The following TENM2 variants were observed in gnomAD, a reference collection of about 807,000 sequenced individuals.
The protein encoded by TENM2 is teneurin transmembrane protein 2, also known as teneurin-2.
Under a neutral mutation model 245.2 loss-of-function variants are expected in TENM2, and 52 were observed. The observed-to-expected ratio is 0.21, with a 90% CI of 0.17 to 0.27. TENM2 has a LOEUF of 0.27. Ranked by LOEUF, TENM2 falls within the 10% of genes least tolerant of loss-of-function variation. The probability of loss-of-function intolerance (pLI) is 1.00; values close to 1 mark genes in which losing one functional copy is unlikely to be tolerated. For synonymous variants in TENM2, 1,363 were observed against 1,438.9 expected (o/e 0.95, Z 1.19); for missense variants, 3,046 against 3,666.8 (o/e 0.83, Z 4.37).
intron 2 of TENM2, among the ~76,000 whole-genome samples, chr5:167,585,772 T>A (rs1175780801): frequency 2.6e-5 from 4 of 152,128 alleles, no homozygotes; most frequent in African/African-American, 9.7e-5. Context: ...CCTTTGTATC[T>A]TTGAGTTCTA....
intron 4 of TENM2, among the ~76,000 whole-genome samples, chr5:167,976,700 C>T (rs2151952547): frequency 6.6e-6 from 1 of 152,256 alleles, no homozygotes; most frequent in South Asian, 2.1e-4. Context: ...TATACCCAAA[C>T]TCAATTATCA....
intron 5 of TENM2, among the ~76,000 whole-genome samples, chr5:168,031,056 AG>A (rs1440183845): frequency 6.6e-6 from 1 of 152,208 alleles, no homozygotes; most frequent in African/African-American, 2.4e-5. Flanking sequence ...ACCACTGCTT[AG>A]TGTCACCACT....
At chr5:167,864,782 C>T (rs1446133166) in intron 2 of TENM2, among the ~76,000 whole-genome samples, 1 of 152,150 alleles carries the variant, frequency 6.6e-6, no homozygotes, top group African/African-American at 2.4e-5. Context: ...ACAACCTACT[C>T]CCAAAGGGTT....
chr5:167,724,523 G>C (rs1759855653), intron 2 of TENM2, among the ~76,000 whole-genome samples: 1 of 152,160 alleles, frequency 6.6e-6, no homozygotes, highest in Non-Finnish European at 1.5e-5. Context: ...CTATTGGGTG[G>C]AGGGAAGGAG....
chr5:167,340,530 T>C (rs1054388545), intron 1 of TENM2, among the ~76,000 whole-genome samples: 1 of 152,202 alleles, frequency 6.6e-6, no homozygotes, highest in African/African-American at 2.4e-5. Flanking sequence ...TCCCTTCCTC[T>C]TCTTGTAAGG....
chr5:167,726,071 T>A (rs1414896381), intron 2 of TENM2, among the ~76,000 whole-genome samples: 2 of 152,200 alleles, frequency 1.3e-5, no homozygotes, highest in Non-Finnish European at 2.9e-5. Flanking sequence ...GATTGTCAGA[T>A]GGTAGGGGCA....
At chr5:167,323,910 AGGGTG>A in intron 1 of TENM2, among the ~76,000 whole-genome samples, 1 of 152,192 alleles carries the variant, frequency 6.6e-6, no homozygotes, top group East Asian at 1.9e-4. Flanking sequence ...AAGAGCTCTG[AGGGTG>A]GGGCATAACG....
At chr5:168,123,041 A>G (rs1053702471) in intron 10 of TENM2, among the ~76,000 whole-genome samples, 2 of 152,138 alleles carry the variant, frequency 1.3e-5, no homozygotes, top group African/African-American at 2.4e-5. Flanking sequence ...TCACACCAGT[A>G]ATCCCAGCAC....
At chr5:167,466,642 C>T (rs1476311944) in intron 2 of TENM2, among the ~76,000 whole-genome samples, 1 of 152,014 alleles carries the variant, frequency 6.6e-6, no homozygotes, top group East Asian at 1.9e-4. Context: ...GTAAAGTTTT[C>T]ATTTATAAAT....
At chr5:167,702,712 T>G (rs1758245648) in intron 2 of TENM2, among the ~76,000 whole-genome samples, 3 of 152,078 alleles carry the variant, frequency 2.0e-5, no homozygotes, top group African/African-American at 7.2e-5. Flanking sequence ...ACTCTCAGGC[T>G]GGAGTGCAAT....
chr5:167,941,476 G>A (rs1779173584), intron 3 of TENM2, among the ~76,000 whole-genome samples: 1 of 152,112 alleles, frequency 6.6e-6, no homozygotes, highest in Admixed American at 6.5e-5. Flanking sequence ...AACTCAGTAG[G>A]AAAATGGTCC....
At chr5:167,523,832 G>C (rs1770929116) in intron 2 of TENM2, among the ~76,000 whole-genome samples, 1 of 152,130 alleles carries the variant, frequency 6.6e-6, no homozygotes, top group Non-Finnish European at 1.5e-5. Flanking sequence ...GAAGAAAAGA[G>C]AGCATTAATT....
chr5:167,755,259 G>A, intron 2 of TENM2: 1 of 1,251,378 alleles, frequency 8.0e-7, no homozygotes, highest in Non-Finnish European at 1.1e-6. Flanking sequence ...CAGGGTAGTT[G>A]GAGTATTTAC....
At chr5:167,476,807 C>T (rs1019384111) in intron 2 of TENM2, among the ~76,000 whole-genome samples, 2 of 152,092 alleles carry the variant, frequency 1.3e-5, no homozygotes, top group Non-Finnish European at 2.9e-5. Flanking sequence ...CCATGTTGGC[C>T]AGGCTGGTCT....
At chr5:167,262,783 A>G in the TENM2 span, among the ~76,000 whole-genome samples, 1 of 152,146 alleles carries the variant, frequency 6.6e-6, no homozygotes. Flanking sequence ...GTAAATTTTG[A>G]CAAATCAGGT....
At chr5:167,057,905 C>T in the TENM2 span, among the ~76,000 whole-genome samples, 2 of 152,144 alleles carry the variant, frequency 1.3e-5, no homozygotes, top group African/African-American at 2.4e-5. Flanking sequence ...ATGACTGGGT[C>T]CTGCTGGAGT....
At chr5:167,305,791 T>C (rs1755641472) in intron 1 of TENM2, among the ~76,000 whole-genome samples, 1 of 152,232 alleles carries the variant, frequency 6.6e-6, no homozygotes, top group African/African-American at 2.4e-5. Context: ...ATAACAATAA[T>C]GCCCTGCATT....
At chr5:168,131,463 C>G (rs1754572907) in intron 12 of TENM2, among the ~76,000 whole-genome samples, 3 of 152,130 alleles carry the variant, frequency 2.0e-5, no homozygotes, top group African/African-American at 7.2e-5. Flanking sequence ...TCTATTTTTC[C>G]TCTTTAATTG....
intron 2 of TENM2, among the ~76,000 whole-genome samples, chr5:167,682,456 C>T (rs1181050901): frequency 6.6e-6 from 1 of 152,066 alleles, no homozygotes; most frequent in Admixed American, 6.6e-5. Flanking sequence ...AGCCACCGTG[C>T]CTGGATGAGA....
Sources: allele counts gnomAD v4.1 joint callset (sites outside exome capture counted in the v4.1 genomes callset), GRCh38; gene constraint gnomAD v4.1.1; transcripts MANE v1.5; gene names NCBI Gene and HGNC (gene_info 2026-07-23, HGNC 2026-07-21).